PGM5: variants seen among roughly 807,000 people sequenced by gnomAD.
The protein encoded by PGM5 is phosphoglucomutase-like protein 5.
Under a neutral mutation model 59.2 loss-of-function variants are expected in PGM5, and 23 were observed. The ratio of observed to expected loss-of-function variants is 0.39; its 90% CI spans 0.28 to 0.55. The LOEUF (loss-of-function observed/expected upper bound fraction) is 0.55, where lower values mean the gene tolerates loss of function less well. PGM5 is among the 20% of genes least tolerant of loss of function. The pLI, the probability that PGM5 is intolerant of heterozygous loss-of-function variation, is 0.66. For missense variants in PGM5, 574 were observed against 748.3 expected (o/e 0.77, Z 2.72); for synonymous variants, 214 against 286.0 (o/e 0.75, Z 2.54).
At chr9:68,471,926 A>G (rs1332884402) in intron 7 of PGM5, among the ~76,000 whole-genome samples, 1 of 151,936 alleles carries the variant, frequency 6.6e-6, no homozygotes, top group Non-Finnish European at 1.5e-5. Flanking sequence ...CTCAAAAAAA[A>G]AGGACAATTC....
At chr9:68,519,196 G>A (rs1250785645) in intron 10 of PGM5, among the ~76,000 whole-genome samples, 1 of 152,060 alleles carries the variant, frequency 6.6e-6, no homozygotes, top group African/African-American at 2.4e-5. Flanking sequence ...TATTCTTCAG[G>A]AAGAAGGAAA....
chr9:68,438,595 C>A (rs1044630299), intron 6 of PGM5, among the ~76,000 whole-genome samples: 1 of 152,142 alleles, frequency 6.6e-6, no homozygotes, highest in African/African-American at 2.4e-5. Context: ...AAAGTCTAGA[C>A]AAGATGTACG....
chr9:68,368,511 G>A (rs1172773795), intron 1 of PGM5, among the ~76,000 whole-genome samples: 2 of 152,146 alleles, frequency 1.3e-5, no homozygotes, highest in African/African-American at 4.8e-5. Flanking sequence ...TCACTACCAT[G>A]GACTTCAGCA....
At chr9:68,362,829 GTGCC>G in intron 1 of PGM5, among the ~76,000 whole-genome samples, 1 of 146,500 alleles carries the variant, frequency 6.8e-6, no homozygotes, top group Non-Finnish European at 1.5e-5. Flanking sequence ...TGTCAGCACT[GTGCC>G]TGCCTCAAGA....
chr9:68,528,312 A>G (rs1163922202), intron 10 of PGM5, among the ~76,000 whole-genome samples: 3 of 152,210 alleles, frequency 2.0e-5, no homozygotes, highest in East Asian at 1.9e-4. Flanking sequence ...TTATGCAATC[A>G]TAGTTCACTG....
intron 1 of PGM5, among the ~76,000 whole-genome samples, chr9:68,376,485 G>A (rs1409641360): frequency 8.2e-6 from 1 of 121,568 alleles, no homozygotes; most frequent in African/African-American, 2.9e-5. Flanking sequence ...CTGTGTGTGT[G>A]TGTGTGTGTG....
intron 8 of PGM5, among the ~76,000 whole-genome samples, chr9:68,480,930 A>G (rs1824187342): frequency 6.6e-6 from 1 of 152,176 alleles, no homozygotes; most frequent in Non-Finnish European, 1.5e-5. Context: ...CATAACAAGA[A>G]CGAAGCCATG....
At chr9:68,391,772 G>A (rs782160596) in intron 5 of PGM5, 48 bp downstream of exon 5, 2 of 1,575,556 alleles carry the variant, frequency 1.3e-6, no homozygotes, top group Non-Finnish European at 1.7e-6. Context: ...CATATAATGA[G>A]CCATGCACTG....
intron 9 of PGM5, 104 bp from the exon 10 acceptor site, chr9:68,499,123 T>G (rs1824528208): frequency 1.7e-6 from 2 of 1,208,040 alleles, no homozygotes; most frequent in African/African-American, 3.0e-5. Context: ...TGATTCTGAT[T>G]GTGTTGAGGT....
chr9:68,369,978 T>C (rs1296641654), intron 1 of PGM5, among the ~76,000 whole-genome samples: 3 of 152,204 alleles, frequency 2.0e-5, no homozygotes, highest in African/African-American at 7.2e-5. Flanking sequence ...ACAACACTAC[T>C]TAAGGACTGG....
chr9:68,516,935 G>A (rs973759552), intron 10 of PGM5, among the ~76,000 whole-genome samples: 29 of 152,034 alleles, frequency 1.9e-4, no homozygotes, highest in African/African-American at 5.1e-4. Flanking sequence ...GCAATGGCGC[G>A]GTCTCGGCTC....
intron 5 of PGM5, among the ~76,000 whole-genome samples, chr9:68,391,927 T>C (rs1554679528): frequency 1.3e-5 from 2 of 152,194 alleles, no homozygotes; most frequent in African/African-American, 2.4e-5. Flanking sequence ...ATTTACGTTA[T>C]GGCATACAAA....
chr9:68,452,656 G>A (rs1005232422), intron 6 of PGM5, among the ~76,000 whole-genome samples: 2 of 152,150 alleles, frequency 1.3e-5, no homozygotes, highest in Admixed American at 6.5e-5. Flanking sequence ...GACTGCTCAG[G>A]GGAACAGAGA....
At chr9:68,367,827 C>T (rs1370295843) in intron 1 of PGM5, among the ~76,000 whole-genome samples, 2 of 150,962 alleles carry the variant, frequency 1.3e-5, no homozygotes, top group African/African-American at 4.9e-5. Flanking sequence ...AAGGCATACA[C>T]ATGTATTTTA....
chr9:68,373,223 C>T (rs554887324), intron 1 of PGM5, among the ~76,000 whole-genome samples: 1 of 143,878 alleles, frequency 7.0e-6, no homozygotes, highest in Non-Finnish European at 1.5e-5. Context: ...CTTAGAAGCC[C>T]CATCACCCTC....
At chr9:68,387,804 G>A (rs1221533614) in intron 4 of PGM5, among the ~76,000 whole-genome samples, 1 of 151,926 alleles carries the variant, frequency 6.6e-6, no homozygotes, top group African/African-American at 2.4e-5. Context: ...TTGAGGCTAT[G>A]CATGTTCAAG....
intron 6 of PGM5, among the ~76,000 whole-genome samples, chr9:68,457,804 A>G (rs381986): frequency 0.96 from 146,023 of 152,182 alleles, 70,307 homozygotes; most frequent in East Asian, 1. Context: ...TATATAAGTC[A>G]TTTTTTTTTA....
At chr9:68,506,418 A>G (rs868986714) in intron 10 of PGM5, among the ~76,000 whole-genome samples, 3 of 152,188 alleles carry the variant, frequency 2.0e-5, no homozygotes, top group African/African-American at 7.2e-5. Flanking sequence ...CTCTGAACCT[A>G]TCTGGTTCTG....
intron 6 of PGM5, among the ~76,000 whole-genome samples, chr9:68,393,645 G>C (rs1256481787): frequency 1.3e-5 from 2 of 152,056 alleles, no homozygotes; most frequent in African/African-American, 4.8e-5. Flanking sequence ...ACCAAATGTT[G>C]ATTAGGATAG....
Sources: allele counts gnomAD v4.1 joint callset (sites outside exome capture counted in the v4.1 genomes callset), GRCh38; gene constraint gnomAD v4.1.1; transcripts MANE v1.5; gene names NCBI Gene and HGNC (gene_info 2026-07-23, HGNC 2026-07-21).